Variants in UTRN observed in about 807,000 individuals in gnomAD.
UTRN encodes utrophin, also known as dystrophin-related protein 1.
In UTRN, 283 loss-of-function variants were observed where a neutral mutation model predicts 463.9. That is an observed-to-expected ratio of 0.61 (90% CI 0.55 to 0.67). The LOEUF is 0.67. Ranked by LOEUF, UTRN falls within the 30% of genes least tolerant of loss-of-function variation. The pLI, the probability that UTRN is intolerant of heterozygous loss-of-function variation, is 0.00. For synonymous variants in UTRN, 1,442 were observed against 1,431.5 expected (o/e 1.01, Z -0.17); for missense variants, 3,922 against 4,084.3 (o/e 0.96, Z 1.08).
intron 3 of UTRN, among the ~76,000 whole-genome samples, chr6:144,410,816 G>T (rs1410461694): frequency 7.4e-6 from 1 of 135,956 alleles, no homozygotes; most frequent in Non-Finnish European, 1.6e-5. Context: ...GTGTGTGTGT[G>T]TGTGTATATA....
rs532838490 is a variant in UTRN, at chr6:144,419,119, G to A, written c.142-2759G>A. 4.0e-4 allele frequency among the ~76,000 whole-genome samples: 61 copies of A among 152,304 alleles called. 1 individual carries two copies. Among genetic ancestry groups the A allele is most frequent in the African/African-American group, 1.4e-3 (58 of 41,574 alleles). ...GTTGGGTGGGGGAGGGGGATTAGACGTAGGCAGGTGACGAAGGCCACTTCT... is the reference window on the plus strand; with the variant it reads ...GTTGGGTGGGGGAGGGGGATTAGACATAGGCAGGTGACGAAGGCCACTTCT... On this transcript the variant is annotated intron_variant, in intron 3 of 74. Transcript: ENST00000367545.
At chr6:144,438,224 C>T (rs1486606343) in intron 11 of UTRN, among the ~76,000 whole-genome samples, 1 of 152,142 alleles carries the variant, frequency 6.6e-6, no homozygotes, top group African/African-American at 2.4e-5. Flanking sequence ...TGAGATTCAG[C>T]CACTGCACTC....
intron 51 of UTRN, among the ~76,000 whole-genome samples, chr6:144,579,671 T>C (rs1174177190): frequency 6.6e-6 from 1 of 152,212 alleles, no homozygotes; most frequent in Non-Finnish European, 1.5e-5. Context: ...GGATTACTTA[T>C]GGCAAACAGC....
chr6:144,791,292 AG>A (rs1437943120), intron 62 of UTRN, among the ~76,000 whole-genome samples: 2 of 152,266 alleles, frequency 1.3e-5, no homozygotes, highest in Admixed American at 1.3e-4. Context: ...GCCCAATGTC[AG>A]TGTCTTCACC....
intron 54 of UTRN, among the ~76,000 whole-genome samples, chr6:144,737,031 C>T (rs567987765): frequency 9.7e-4 from 147 of 152,304 alleles, no homozygotes; most frequent in South Asian, 1.2e-3. Context: ...TCCCTGGCAC[C>T]CTGTGGTCTC....
intron 51 of UTRN, among the ~76,000 whole-genome samples, chr6:144,620,789 T>C (rs950713830): frequency 1.1e-4 from 17 of 152,150 alleles, no homozygotes; most frequent in Non-Finnish European, 2.1e-4. Flanking sequence ...TAAGGATTAT[T>C]GTAAAGTGAA....
chr6:144,790,429 T>C (rs1361848579), intron 62 of UTRN, among the ~76,000 whole-genome samples: 1 of 152,220 alleles, frequency 6.6e-6, no homozygotes, highest in Non-Finnish European at 1.5e-5. Context: ...TAAAAGCTTT[T>C]ATTTTCTGGG....
chr6:144,345,364 C>T (rs1777476384), intron 2 of UTRN, among the ~76,000 whole-genome samples: 2 of 152,160 alleles, frequency 1.3e-5, no homozygotes. Context: ...CAAAATACCT[C>T]TCAGGGACCT....
At chr6:144,730,331 C>T (rs766371953) in intron 53 of UTRN, 26 bp from the exon 54 acceptor site, 3 of 1,554,232 alleles carry the variant, frequency 1.9e-6, no homozygotes, top group African/African-American at 2.8e-5. Context: ...AGGTTACAAA[C>T]TCAACTTTTG....
chr6:144,835,823 G>A lies in UTRN; in HGVS notation c.9709G>A (p.Gly3237Arg), dbSNP rs761777717. The change falls in exon 70 of 75, where the codon GGA becomes AGA. Residue 3237 changes from glycine (G) to arginine (R), a missense_variant. Around this residue, in one of 3 missense-constraint regions of UTRN, gnomAD observed 1,309 missense variants for 1,452.6 expected, o/e 0.90. Transcript: ENST00000367545. Reference protein sequence around the residue: ...ALIQQYCQTLGGESPVSQPQS... With the variant: ...ALIQQYCQTLRGESPVSQPQS... ...CATCCAGCAGTATTGCCAAACACTC[G>A]GAGGAGAGTCCCCAGTGAGCCAGCC... 24 of 1,613,950 alleles carry A rather than the reference G, an allele frequency of 1.5e-5. No homozygotes were observed. Among genetic ancestry groups the A allele is most frequent in the Admixed American group, 1.2e-4 (7 of 59,998 alleles).
At chr6:144,594,797 G>T (rs1197055715) in intron 51 of UTRN, among the ~76,000 whole-genome samples, 2 of 151,976 alleles carry the variant, frequency 1.3e-5, no homozygotes, top group Non-Finnish European at 2.9e-5. Flanking sequence ...CCACCGCACT[G>T]CCCCAGCCCT....
chr6:144,596,493 A>G (rs1399756900), intron 51 of UTRN, among the ~76,000 whole-genome samples: 3 of 152,130 alleles, frequency 2.0e-5, no homozygotes, highest in African/African-American at 4.8e-5. Context: ...AGTAGTGGCA[A>G]TGACCAAACT....
At chr6:144,635,535 CTT>C (rs1219903798) in intron 51 of UTRN, among the ~76,000 whole-genome samples, 1 of 33,178 alleles carries the variant, frequency 3.0e-5, no homozygotes, top group African/African-American at 1.3e-4. Flanking sequence ...TTTTTCTTTT[CTT>C]TTTTTTTTTT....
In UTRN at chr6:144,473,563, T is replaced by C. The variant is rs1790882525; in HGVS notation, c.3067-157T>C. Among the ~76,000 whole-genome samples, 3 of 152,196 alleles carry C rather than the reference T, an allele frequency of 2.0e-5. No individual in the cohort carries two copies. In the South Asian group the frequency reaches 6.2e-4, roughly 32 times the overall value. On this transcript the variant is annotated intron_variant, in intron 23 of 74. Coordinates refer to ENST00000367545, the MANE Select transcript of UTRN (RefSeq NM_007124.3). ...AGTCAAGAATGAAGAAAATAATCAT[T>C]TTCAAATTTGGAAGGTTTAGAAAAA... is the stretch of plus-strand genomic sequence containing the variant.
intron 51 of UTRN, among the ~76,000 whole-genome samples, chr6:144,628,212 A>G (rs532607179): frequency 3.3e-5 from 5 of 152,318 alleles, no homozygotes; most frequent in South Asian, 2.1e-4. Flanking sequence ...TAATGCTGCT[A>G]TGAACATTGG....
chr6:144,616,098 CCTT>C (rs1332803040), intron 51 of UTRN, among the ~76,000 whole-genome samples: 1 of 152,126 alleles, frequency 6.6e-6, no homozygotes, highest in African/African-American at 2.4e-5. Flanking sequence ...TGTTGTAACT[CCTT>C]CTCGGCAGTA....
chr6:144,326,913 A>C (rs1230092085), intron 2 of UTRN, among the ~76,000 whole-genome samples: 1 of 152,172 alleles, frequency 6.6e-6, no homozygotes, highest in Non-Finnish European at 1.5e-5. Context: ...TAGGGGTCCA[A>C]ACTTGGCATT....
intron 4 of UTRN, among the ~76,000 whole-genome samples, chr6:144,422,950 C>A (rs929964959): frequency 2.0e-5 from 3 of 152,156 alleles, no homozygotes; most frequent in Admixed American, 6.5e-5. Flanking sequence ...AGATAAGGTT[C>A]TGGCCAGTGA....
intron 2 of UTRN, among the ~76,000 whole-genome samples, chr6:144,373,167 T>G (rs1383187476): frequency 2.0e-5 from 3 of 152,190 alleles, no homozygotes; most frequent in African/African-American, 4.8e-5. Flanking sequence ...CTCTCTAAGT[T>G]TTCTGCCCAA....
Sources: gnomAD v4.1 joint callset for allele counts (sites outside exome capture counted in the v4.1 genomes callset) on GRCh38, gnomAD v4.1.1 for gene constraint, gnomAD v4.1.1 regional missense constraint, MANE v1.5 for transcripts, NCBI Gene and HGNC (gene_info 2026-07-23, HGNC 2026-07-21) for gene names.